The following ZNF48 variants were observed in gnomAD, a reference collection of about 807,000 sequenced individuals.
The protein encoded by ZNF48 is zinc finger protein 553.
A neutral mutation model predicts 40.0 loss-of-function variants in ZNF48; 20 were observed. The ratio of observed to expected loss-of-function variants is 0.50; its 90% confidence interval spans 0.35 to 0.73. ZNF48 has a LOEUF of 0.73. Ranked by LOEUF, ZNF48 falls within the 30% of genes least tolerant of loss-of-function variation. ZNF48 has a pLI of 0.01. For missense variants in ZNF48, 726 were observed against 851.9 expected (o/e 0.85, Z 1.84); for synonymous variants, 298 against 329.7 (o/e 0.90, Z 1.04).
chr16:30,395,375 A>G (rs1032800653), upstream of ZNF48: 2 of 449,688 alleles, frequency 4.4e-6, no homozygotes, highest in Non-Finnish European at 8.9e-6. This position sits in a 1 kb window ranked among gnomAD's most constrained non-coding sequence, Gnocchi z 5.9. Flanking sequence ...AGCTCCTCCA[A>G]GGTCCTAGAG....
Position 30,395,590 on chromosome 16 carries a change from G to A in ZNF48, c.-16+12G>A. On this transcript the variant is annotated intron_variant, in intron 1 of 2. Coordinates refer to ENST00000613509, the MANE Select transcript of ZNF48 (RefSeq NM_001214909.2). This position sits in a 1 kb window ranked among gnomAD's most constrained non-coding sequence, Gnocchi z 5.9. ...AGGCGGCCGGCAAGGTGAGAGCGGC[G>A]GCTGCGCGCTGGGAGGAGCAGCAGG... 4.0e-6 allele frequency: 1 copy of A among 247,630 alleles called. No individual in the cohort carries two copies. The highest frequency in any genetic ancestry group is 7.2e-6 in the Non-Finnish European group (1 of 139,194). The allele number at this position is 247,630 out of a possible 1,614,324, so 15.3% of individuals were successfully genotyped here.
intron 1 of ZNF48, among the ~76,000 whole-genome samples, chr16:30,389,401 A>T (rs185404202): frequency 0.011 from 1,600 of 149,786 alleles, 16 homozygotes; most frequent in East Asian, 0.035. Flanking sequence ...AAAAAAAAAA[A>T]AAAAATAATA....
At position 30,381,867 on chromosome 16, in the gene ZNF48, G is replaced by A; in HGVS notation, c.-16+3457G>A. ...CTACGCCCCGGCGCTCAATGGCCAG[G>A]GTCTGTGTCAAGCGAGCTGTGGGAT... On this transcript the variant is annotated intron_variant, in intron 1 of 2. Coordinates refer to the ZNF48 transcript ENST00000528032. The surrounding 1 kb of genome is among the most constrained non-coding windows in gnomAD (Gnocchi z 4.3). The A allele has an allele frequency of 6.2e-7, 1 of 1,614,120 alleles. No individual in the cohort carries two copies. Among genetic ancestry groups the A allele is most frequent in the Non-Finnish European group, 8.5e-7 (1 of 1,180,008 alleles).
At chr16:30,379,931 C>G (rs1324414432) in intron 1 of ZNF48, 1 of 1,493,298 alleles carries the variant, frequency 6.7e-7, no homozygotes, top group South Asian at 1.1e-5. Flanking sequence ...GTTTCCCACA[C>G]CTTCATCTCT....
chr16:30,393,569 G>A (rs1366577675), upstream of ZNF48, among the ~76,000 whole-genome samples: 3 of 151,772 alleles, frequency 2.0e-5, no homozygotes, highest in Non-Finnish European at 4.4e-5. Context: ...ATTTTTAGTA[G>A]AGACAGGGTT....
rs780061738 is a variant in ZNF48 at position 30,382,731 on chromosome 16, G to A, written c.-16+4321G>A. 139 of 1,535,994 alleles carry A rather than the reference G, an allele frequency of 9.0e-5. No individual in the cohort carries two copies. Among genetic ancestry groups the A allele is most frequent in the Non-Finnish European group, 1.1e-4 (130 of 1,146,438 alleles). On this transcript the variant is annotated intron_variant, in intron 1 of 2. Transcript: ENST00000528032. The surrounding 1 kb of genome is among the most constrained non-coding windows in gnomAD (Gnocchi z 4.8). The stretch of plus-strand genomic sequence containing the variant: ...ACCCCTTTGCCCATCACCTGTCTAC[G>A]TACCTTCAACCCTCCATCCTTCACA...
chr16:30,386,934 C>T (rs2049905158), intron 1 of ZNF48, among the ~76,000 whole-genome samples: 1 of 145,842 alleles, frequency 6.9e-6, no homozygotes, highest in African/African-American at 2.5e-5. Flanking sequence ...GCCACTGCAC[C>T]TGGCCTTTTT....
At chr16:30,379,098 G>A in intron 1 of ZNF48, 1 of 1,614,084 alleles carries the variant, frequency 6.2e-7, no homozygotes, top group Non-Finnish European at 8.5e-7. Flanking sequence ...AGAGCAGATC[G>A]TGCGTCACCT....
At chr16:30,385,223 T>TAATAA (rs2049892416) in intron 1 of ZNF48, among the ~76,000 whole-genome samples, 1 of 136,198 alleles carries the variant, frequency 7.3e-6, no homozygotes, top group African/African-American at 3.2e-5. Context: ...AATAATAATA[T>TAATAA]AAATAAATAA....
intron 1 of ZNF48, chr16:30,380,241 G>T (rs1351546959): frequency 1.4e-5 from 5 of 366,856 alleles, no homozygotes; most frequent in Non-Finnish European, 2.5e-5. Flanking sequence ...TCTAAGATGG[G>T]GCAGACATTA....
rs2050015708 is a variant in ZNF48, at chr16:30,398,582, A to G, written c.1332A>G (p.Pro444=). The part of the protein sequence containing the change: ...GGPQAGEPPP[P]LAGDKPHKCP... ...CACAGGCTGGGGAGCCACCCCCACC[A>G]CTGGCGGGCGACAAGCCCCACAAGT... is the stretch of plus-strand genomic sequence containing the variant. Residue 444 remains proline, a synonymous_variant, in exon 3 of 3, where the codon CCA becomes CCG. Coordinates refer to ENST00000613509, the MANE Select transcript of ZNF48 (RefSeq NM_001214909.2). This position sits in a 1 kb window ranked among gnomAD's most constrained non-coding sequence, Gnocchi z 6.6. 6.2e-7 allele frequency: 1 copy of G among 1,611,300 alleles called. No individual in the cohort carries two copies.
At position 30,381,477 on chromosome 16, in the gene ZNF48, G is replaced by C. The variant is rs895126913; in HGVS notation, c.-16+3067G>C. 1.2e-6 allele frequency: 2 copies of C among 1,614,042 alleles called. No individual in the cohort carries two copies. Among genetic ancestry groups the C allele is most frequent in the Non-Finnish European group, 1.7e-6 (2 of 1,179,986 alleles). ...GAATTTCACCACCGGAAGCCAGCTG[G>C]GTGTGGGGAGAGGATGTGAGGTCAG... On this transcript the variant is annotated intron_variant, in intron 1 of 2. Transcript: ENST00000528032. The surrounding 1 kb of genome is among the most constrained non-coding windows in gnomAD (Gnocchi z 4.3).
At chr16:30,390,810 G>C (rs1567430775), upstream of ZNF48, among the ~76,000 whole-genome samples, 1 of 151,716 alleles carries the variant, frequency 6.6e-6, no homozygotes, top group Non-Finnish European at 1.5e-5. Flanking sequence ...ATTTTTAGTA[G>C]AGACGGGGTT....
rs755519511 is a variant in ZNF48 at position 30,397,105 on chromosome 16, G to A, written c.80-225G>A. On this transcript the variant is annotated intron_variant, in intron 2 of 2. Coordinates refer to ENST00000613509, the MANE Select transcript of ZNF48 (RefSeq NM_001214909.2). The surrounding 1 kb of genome is among the most constrained non-coding windows in gnomAD (Gnocchi z 4.1). ...TAGTGTTATAGTATTGTTTGCAAGC[G>A]TTTAATACTAATGCTGAGTTTGGTG... Among the ~76,000 whole-genome samples the A allele has an allele frequency of 5.3e-5, 8 of 152,150 alleles. No homozygotes were observed. Among genetic ancestry groups the A allele is most frequent in the Admixed American group, 2.6e-4 (4 of 15,260 alleles).
At chr16:30,389,662 G>T (rs2049927308) in intron 1 of ZNF48, among the ~76,000 whole-genome samples, 1 of 151,154 alleles carries the variant, frequency 6.6e-6, no homozygotes, top group African/African-American at 2.4e-5. Context: ...CCATTTCCAT[G>T]CTTATTAATT....
chr16:30,381,620 C>A lies in ZNF48; in HGVS notation c.-16+3210C>A. 2.0e-6 allele frequency: 3 copies of A among 1,477,920 alleles called. No individual in the cohort carries two copies. The highest frequency in any genetic ancestry group is 3.9e-5 in the Admixed American group (2 of 51,656). 91.6% of individuals were successfully genotyped at this position (1,477,920 alleles called of 1,614,324 possible). ...ACTGGTGGGGGCCTAGGTGAGTCAT[C>A]AAGAAGCACAGGGACCCAGTGGCCC... On this transcript the variant is annotated intron_variant, in intron 1 of 2. Transcript: ENST00000528032. This position sits in a 1 kb window ranked among gnomAD's most constrained non-coding sequence, Gnocchi z 4.3.
upstream of ZNF48, among the ~76,000 whole-genome samples, chr16:30,391,008 G>A (rs560972796): frequency 6.6e-6 from 1 of 152,074 alleles, no homozygotes; most frequent in Non-Finnish European, 1.5e-5. Context: ...CAAAGTGCTG[G>A]GATTAGAGGC....
At position 30,397,541 on chromosome 16, in the gene ZNF48, C is replaced by T. The variant is rs1433714496; in HGVS notation, c.291C>T (p.Leu97=). 1.9e-6 allele frequency: 3 copies of T among 1,614,120 alleles called. No homozygotes were observed. The highest frequency in any genetic ancestry group is 1.7e-5 in the Admixed American group (1 of 60,014). The change falls in exon 3 of 3, where the codon CTC becomes CTT. Residue 97 remains leucine (L), a synonymous_variant. Transcript: ENST00000613509. This position sits in a 1 kb window ranked among gnomAD's most constrained non-coding sequence, Gnocchi z 4.1. ...AGCCTCGGGACAGAGGCCCCCGGCT[C>T]CTGGGTGAACCACGCTGGGGCCAGG... ...KPQPRDRGPR[L]LGEPRWGQAS...
At chr16:30,384,693 A>G (rs539164272) in intron 1 of ZNF48, among the ~76,000 whole-genome samples, 48 of 151,956 alleles carry the variant, frequency 3.2e-4, no homozygotes, top group Middle Eastern at 3.4e-3. Flanking sequence ...CCTGGCCAAC[A>G]TGGTGAAACC....
Sources: gnomAD v4.1 joint callset for allele counts (sites outside exome capture counted in the v4.1 genomes callset) on GRCh38, gnomAD v4.1.1 for gene constraint, Gnocchi (gnomAD v3.1) non-coding constraint, MANE v1.5 for transcripts, NCBI Gene and HGNC (gene_info 2026-07-23, HGNC 2026-07-21) for gene names.